Variants in SGCD observed in about 807,000 individuals in gnomAD.
SGCD encodes sarcoglycan delta.
Under a neutral mutation model 36.6 loss-of-function variants are expected in SGCD, and 18 were observed. That is an observed-to-expected ratio of 0.49 (90% CI 0.34 to 0.73). The LOEUF is 0.73. Among genes scored for constraint, SGCD ranks in the 30% least tolerant of loss-of-function variants. The pLI, the probability that SGCD is intolerant of heterozygous loss-of-function variation, is 0.01. For synonymous variants in SGCD, 133 were observed against 130.6 expected, an observed-to-expected ratio of 1.02 and a Z score of -0.12; for missense variants, 387 against 346.7, an observed-to-expected ratio of 1.12 and a Z score of -0.92.
At chr5:156,237,715 A>G (rs535359024) in intron 3 of SGCD, among the ~76,000 whole-genome samples, 1 of 152,314 alleles carries the variant, frequency 6.6e-6, no homozygotes, top group Non-Finnish European at 1.5e-5. Flanking sequence ...CATAAATTGA[A>G]TGGAGCTGGT....
chr5:156,319,927 T>A lies in SGCD; in HGVS notation c.-43-9607T>A, dbSNP rs1397577781. ...AAAGGATATCAGGAATTACTAGCAA[T>A]GTTCATTATTAGTGAAATAATATTT... On this transcript the variant is annotated intron_variant, in intron 3 of 9. Transcript: ENST00000517913. Among the ~76,000 whole-genome samples, 27 of 152,348 alleles carry A rather than the reference T, an allele frequency of 1.8e-4. No individual in the cohort carries two copies. The East Asian group carries it at 5.0e-3, about 28-fold the overall frequency.
At chr5:156,333,632 C>T (rs1768173991) in intron 2 of SGCD, among the ~76,000 whole-genome samples, 1 of 152,038 alleles carries the variant, frequency 6.6e-6, no homozygotes, top group African/African-American at 2.4e-5. Context: ...CACTCTTTCT[C>T]ATTGGCTCAA....
At chr5:156,739,075 A>G (rs1267912336) in intron 7 of SGCD, among the ~76,000 whole-genome samples, 1 of 152,228 alleles carries the variant, frequency 6.6e-6, no homozygotes, top group Non-Finnish European at 1.5e-5. Flanking sequence ...TAAGAGGGGG[A>G]AACATCTAAA....
the SGCD span, among the ~76,000 whole-genome samples, chr5:155,732,942 G>A: frequency 3.2e-3 from 485 of 151,398 alleles, 2 homozygotes; most frequent in Non-Finnish European, 4.4e-3. Flanking sequence ...AAGGAAACAA[G>A]CAGGTCCACC....
chr5:156,651,431 A>T (rs943891242), intron 7 of SGCD, among the ~76,000 whole-genome samples: 8 of 152,180 alleles, frequency 5.3e-5, no homozygotes, highest in African/African-American at 1.9e-4. Context: ...TTATAGTTTG[A>T]GGTCTTCTAT....
At chr5:155,873,583 C>G (rs1431049828) in intron 1 of SGCD, among the ~76,000 whole-genome samples, 1 of 152,160 alleles carries the variant, frequency 6.6e-6, no homozygotes, top group Admixed American at 6.5e-5. Flanking sequence ...ACAATGCACA[C>G]TATTCAGGTG....
intron 1 of SGCD, among the ~76,000 whole-genome samples, chr5:155,922,593 AT>A (rs1392560526): frequency 3.3e-5 from 5 of 152,168 alleles, no homozygotes; most frequent in African/African-American, 1.2e-4. Flanking sequence ...GTTCAAAGGA[AT>A]TTTGCAGTTT....
chr5:156,680,083 C>T (rs1178432075), intron 7 of SGCD, among the ~76,000 whole-genome samples: 1 of 151,998 alleles, frequency 6.6e-6, no homozygotes, highest in East Asian at 1.9e-4. Context: ...CTGTAAGCTG[C>T]AAATAGGAAG....
At chr5:156,117,612 C>T (rs1187872613) in intron 1 of SGCD, among the ~76,000 whole-genome samples, 1 of 152,014 alleles carries the variant, frequency 6.6e-6, no homozygotes, top group Non-Finnish European at 1.5e-5. Flanking sequence ...ATTCTAAGTG[C>T]TTTAAAATTG....
intron 3 of SGCD, among the ~76,000 whole-genome samples, chr5:156,285,655 C>T (rs952740462): frequency 1.3e-5 from 2 of 152,166 alleles, no homozygotes; most frequent in African/African-American, 4.8e-5. Flanking sequence ...CTTCCTTACA[C>T]CTTACACAAA....
intron 7 of SGCD, among the ~76,000 whole-genome samples, chr5:156,664,355 C>A (rs1292295916): frequency 4.0e-5 from 6 of 148,372 alleles, no homozygotes; most frequent in South Asian, 2.1e-4. Flanking sequence ...TCCACTATGA[C>A]CTTACCGGCT....
At chr5:156,143,782 A>G (rs1046083561) in intron 3 of SGCD, among the ~76,000 whole-genome samples, 3 of 151,886 alleles carry the variant, frequency 2.0e-5, no homozygotes, top group African/African-American at 7.3e-5. Flanking sequence ...ACATGTGTAC[A>G]ATGTGCAGGT....
intron 3 of SGCD, among the ~76,000 whole-genome samples, chr5:156,457,554 G>T (rs1057281910): frequency 6.6e-5 from 10 of 152,178 alleles, no homozygotes; most frequent in African/African-American, 2.2e-4. Flanking sequence ...TTATACTATT[G>T]TTTTGGCTCA....
chr5:155,920,727 C>T (rs1384557393), intron 1 of SGCD, among the ~76,000 whole-genome samples: 8 of 152,044 alleles, frequency 5.3e-5, no homozygotes, highest in Admixed American at 4.6e-4. Flanking sequence ...CTTCTGGGGG[C>T]GGCATACTCT....
At chr5:156,023,902 C>A (rs1759165080) in intron 1 of SGCD, among the ~76,000 whole-genome samples, 1 of 152,198 alleles carries the variant, frequency 6.6e-6, no homozygotes, top group East Asian at 1.9e-4. Flanking sequence ...GGCTTTCTGA[C>A]TTTGACGCTT....
At chr5:156,646,708 T>C (rs902747254) in intron 6 of SGCD, among the ~76,000 whole-genome samples, 10 of 152,186 alleles carry the variant, frequency 6.6e-5, no homozygotes, top group African/African-American at 9.6e-5. Context: ...GAAAAACTAA[T>C]ATCTTGTGCA....
chr5:156,651,449 T>C (rs1181497830), intron 7 of SGCD, among the ~76,000 whole-genome samples: 1 of 152,164 alleles, frequency 6.6e-6, no homozygotes, highest in African/African-American at 2.4e-5. Flanking sequence ...TATTTAAATA[T>C]TTAATCCATC....
chr5:156,748,891 G>A (rs1321577853), intron 7 of SGCD, among the ~76,000 whole-genome samples: 1 of 151,950 alleles, frequency 6.6e-6, no homozygotes, highest in Non-Finnish European at 1.5e-5. Flanking sequence ...TTCCCTCTGG[G>A]GTAGCTGGGA....
chr5:155,843,345 A>AG, the SGCD span, among the ~76,000 whole-genome samples: 1 of 152,218 alleles, frequency 6.6e-6, no homozygotes, highest in East Asian at 1.9e-4. Context: ...CTTGGGTCTA[A>AG]GGAATATGGT....
Sources: allele counts gnomAD v4.1 joint callset (sites outside exome capture counted in the v4.1 genomes callset), GRCh38; gene constraint gnomAD v4.1.1; transcripts MANE v1.5; gene names NCBI Gene and HGNC (gene_info 2026-07-23, HGNC 2026-07-21).